Variants in RBM12B observed in about 807,000 individuals in gnomAD.
The protein encoded by RBM12B is RNA-binding protein 12B.
Under a neutral mutation model 34.3 loss-of-function variants are expected in RBM12B, and 10 were observed. The observed-to-expected ratio is 0.29, with a 90% CI of 0.18 to 0.49. The LOEUF is 0.49. Among genes scored for constraint, RBM12B ranks in the 20% least tolerant of loss-of-function variants. RBM12B has a pLI of 0.99. For synonymous variants in RBM12B, 477 were observed against 437.1 expected (o/e 1.09, Z -1.14); for missense variants, 1,139 against 1,262.7 (o/e 0.90, Z 1.48).
Position 93,737,372 on chromosome 8 carries a change from A to C in RBM12B, c.-77-17T>G, listed in dbSNP as rs1203627227. On this transcript the variant is annotated splice_polypyrimidine_tract_variant and intron_variant, in intron 2 of 3. Transcript: ENST00000520560. ...GCAACTTAACTGTGGAAAGAAAATG[A>C]AATATAATTAATCCTTGAACCCTGT... 1 of 152,226 alleles carries C rather than the reference A, an allele frequency of 6.6e-6. No homozygotes were observed. The highest frequency in any genetic ancestry group is 1.5e-5 in the Non-Finnish European group (1 of 68,044). 9.4% of individuals were successfully genotyped at this position (152,226 alleles called of 1,614,324 possible).
At position 93,732,254 on chromosome 8, in the gene RBM12B, A is replaced by G. The variant is rs1395736634; in HGVS notation, c.*1151T>C. ...GAGATTATGCATGTAAAGTGCTTAC[A>G]GTGCCTAGCACATAGTAAGTGCCTA... On this transcript the variant is annotated 3_prime_UTR_variant, in exon 4 of 4. Transcript: ENST00000520560. 2 of 152,244 alleles carry G rather than the reference A, an allele frequency of 1.3e-5. No homozygotes were observed. The highest frequency in any genetic ancestry group is 2.4e-5 in the African/African-American group (1 of 41,468). The allele number at this position is 152,244 out of a possible 1,614,324, so 9.4% of individuals were successfully genotyped here.
In RBM12B at chr8:93,736,431, A is replaced by G. The variant is rs1158507747; in HGVS notation, c.-21T>C. ...GCCATGCTGAGCTCAAACCACAGCA[A>G]TAATGACCTGCAGACAAAAAGGTAC... On this transcript the variant is annotated 5_prime_UTR_variant, in exon 4 of 4. Transcript: ENST00000520560. 6.5e-7 allele frequency: 1 copy of G among 1,529,874 alleles called. No homozygotes were observed. The highest frequency in any genetic ancestry group is 2.3e-5 in the East Asian group (1 of 44,334). The allele number at this position is 1,529,874 out of a possible 1,614,324, so 94.8% of individuals were successfully genotyped here.
In RBM12B at chr8:93,736,083, T is replaced by C; in HGVS notation, c.328A>G (p.Ile110Val). Residue 110 changes from isoleucine (I) to valine (V), a missense_variant, in exon 4 of 4, where the codon ATT (isoleucine) becomes GTT (valine). Physicochemically the swap from Ile to Val is conservative, Grantham distance 29 (BLOSUM62 3). This residue lies in a region of RBM12B where 216 missense variants were observed against 292.2 expected (regional missense o/e 0.74). Transcript: ENST00000520560. ...TSGVDSLSNFIESVKEEASNS... is the reference protein window; with the variant it reads ...TSGVDSLSNFVESVKEEASNS... ...CTTGCTTCTTCCTTAACAGACTCAA[T>C]AAAATTAGACAGGCTGTCAACCCCT... 2 of 1,614,202 alleles carry C rather than the reference T, an allele frequency of 1.2e-6. No individual in the cohort carries two copies.
rs1811742150 is a variant in RBM12B at position 93,730,393 on chromosome 8, T to C, written c.*3012A>G. 1 of 152,080 alleles carries C rather than the reference T, an allele frequency of 6.6e-6. No homozygotes were observed. The highest frequency in any genetic ancestry group is 2.4e-5 in the African/African-American group (1 of 41,406). 9.4% of individuals were successfully genotyped at this position (152,080 alleles called of 1,614,324 possible). On this transcript the variant is annotated 3_prime_UTR_variant, in exon 4 of 4. Transcript: ENST00000520560. ...ATTGACTTTCTAGACATGATCTACA[T>C]TTTTTTAGATAATTTCTAGACAAAA...
At position 93,732,406 on chromosome 8, in the gene RBM12B, A is replaced by C. The variant is rs934203622; in HGVS notation, c.*999T>G. On this transcript the variant is annotated 3_prime_UTR_variant, in exon 4 of 4. Transcript: ENST00000520560. ...ACCACACAAGTCTTAACAGTTATAG[A>C]GTCTTTGCATGGACACAGTTTCGAA... 6 of 152,234 alleles carry C rather than the reference A, an allele frequency of 3.9e-5. No homozygotes were observed. Among genetic ancestry groups the C allele is most frequent in the African/African-American group, 1.4e-4 (6 of 41,458 alleles). The allele number at this position is 152,234 out of a possible 1,614,324, so 9.4% of individuals were successfully genotyped here.
rs756978342 is a variant in RBM12B at position 93,735,227 on chromosome 8, T to A, written c.1184A>T (p.Asn395Ile). Residue 395 changes from asparagine to isoleucine, a missense_variant, in exon 4 of 4, where the codon AAC becomes ATC. Physicochemically the swap from Asn to Ile is moderately radical, Grantham distance 149. Coordinates refer to ENST00000520560, the MANE Select transcript of RBM12B (RefSeq NM_001377960.1). Reference protein sequence around the residue: ...HVSQKYSQEGNSGQKLCIYIR... With the variant: ...HVSQKYSQEGISGQKLCIYIR... Reference sequence around the variant, plus strand: ...ATAGATGCACAGTTTCTGGCCAGAGTTACCTTCTTGAGAGTATTTTTGTGA... The same window carrying A: ...ATAGATGCACAGTTTCTGGCCAGAGATACCTTCTTGAGAGTATTTTTGTGA... 1 of 1,614,028 alleles carries A rather than the reference T, an allele frequency of 6.2e-7. No individual in the cohort carries two copies. The highest frequency in any genetic ancestry group is 2.2e-5 in the East Asian group (1 of 44,880).
Position 93,735,533 on chromosome 8 carries a change from A to C in RBM12B, c.878T>G (p.Leu293Arg). ...GFYVHLKNLS[L>R]SIDERDLRNF... ...TCTTAAATCTCTTTCGTCAATACTG[A>C]GGGACAGATTTTTTAAGTGAACATA... The change falls in exon 4 of 4, where the codon CTC (leucine) becomes CGC (arginine). Residue 293 changes from leucine (L) to arginine (R), a missense_variant. Coordinates refer to ENST00000520560, the MANE Select transcript of RBM12B (RefSeq NM_001377960.1). 6.2e-7 allele frequency: 1 copy of C among 1,614,114 alleles called. No individual in the cohort carries two copies. Among genetic ancestry groups the C allele is most frequent in the Non-Finnish European group, 8.5e-7 (1 of 1,179,992 alleles).
Position 93,736,031 on chromosome 8 carries a change from T to G in RBM12B, c.380A>C (p.Asn127Thr). 1 of 1,614,220 alleles carries G rather than the reference T, an allele frequency of 6.2e-7. No individual in the cohort carries two copies. Among genetic ancestry groups the G allele is most frequent in the Non-Finnish European group, 8.5e-7 (1 of 1,180,036 alleles). The change falls in exon 4 of 4, where the codon AAT becomes ACT. Residue 127 changes from asparagine (N) to threonine (T), a missense_variant. Physicochemically the swap from Asn to Thr is moderately conservative, Grantham distance 65. Coordinates refer to ENST00000520560, the MANE Select transcript of RBM12B (RefSeq NM_001377960.1). ...ASNSGYGSSINQDAGFHTNGT... is the reference protein window; with the variant it reads ...ASNSGYGSSITQDAGFHTNGT... ...ATTAGTATGAAACCCAGCATCTTGA[T>G]TAATTGAAGAGCCATATCCAGAATT... is the stretch of plus-strand genomic sequence containing the variant.
rs777314221 is a variant in RBM12B, at chr8:93,733,623, T to A, written c.2788A>T (p.Met930Leu). ...ACATTAGCTTTAAATGGAAGATTCA[T>A]TATCTTAATAGGAGTTACTCTACCT... ...GSGRVTPIKI[M>L]NLPFKANVNE... Residue 930 changes from methionine (M) to leucine (L), a missense_variant, in exon 4 of 4, where the codon ATG becomes TTG. Physicochemically the swap from Met to Leu is conservative, Grantham distance 15 (BLOSUM62 2). Around this residue, in one of 3 missense-constraint regions of RBM12B, gnomAD observed 60 missense variants for 101.0 expected, o/e 0.59. Transcript: ENST00000520560. The A allele has an allele frequency of 6.2e-7, 1 of 1,614,010 alleles. No individual in the cohort carries two copies. Among genetic ancestry groups the A allele is most frequent in the South Asian group, 1.1e-5 (1 of 91,080 alleles).
chr8:93,737,947 T>G (rs1812071487), intron 2 of RBM12B, among the ~76,000 whole-genome samples: 1 of 152,048 alleles, frequency 6.6e-6, no homozygotes, highest in African/African-American at 2.4e-5. Context: ...AGGCAACCAT[T>G]CAAAATTACA....
In RBM12B at chr8:93,736,318, T is replaced by C. The variant is rs748584683; in HGVS notation, c.93A>G (p.Gly31=). The part of the protein sequence containing the change: ...HFFTGLTIPD[G]GVHIIGGEIG... ...TTTCCCCTCCAATTATATGCACTCC[T>C]CCATCAGGAATAGTCAATCCCGTGA... Residue 31 remains glycine (G), a synonymous_variant, in exon 4 of 4, where the codon GGA becomes GGG. Coordinates refer to ENST00000520560, the MANE Select transcript of RBM12B (RefSeq NM_001377960.1). 2.5e-6 allele frequency: 4 copies of C among 1,613,890 alleles called. No homozygotes were observed. In the Admixed American group the frequency reaches 5.0e-5, roughly 20 times the overall value.
rs902511014 is a variant in RBM12B at position 93,731,846 on chromosome 8, A to T, written c.*1559T>A. On this transcript the variant is annotated 3_prime_UTR_variant, in exon 4 of 4. Transcript: ENST00000520560. ...TAAGCCAGTAATATACCATATGAGT[A>T]TCCCAAGAGAAACCCTGGATAGAAA... The T allele has an allele frequency of 6.6e-6, 1 of 152,646 alleles. No homozygotes were observed. The highest frequency in any genetic ancestry group is 1.5e-5 in the Non-Finnish European group (1 of 68,042). 9.5% of individuals were successfully genotyped at this position (152,646 alleles called of 1,614,324 possible). A position where few individuals can be genotyped will look rare whatever the true frequency, so the allele number is the denominator to read the frequency against.
chr8:93,735,429 A>G lies in RBM12B; in HGVS notation c.982T>C (p.Phe328Leu). ...YKDENRTRYA[F>L]VMFKTLKDYN... ...TCTTTCAGAGTCTTGAACATCACAA[A>G]GGCATATCTTGTTCTATTTTCATCT... The change falls in exon 4 of 4, where the codon TTT (phenylalanine) becomes CTT (leucine). Residue 328 changes from phenylalanine to leucine, a missense_variant. By Grantham distance (22) the Phe-to-Leu change is conservative (BLOSUM62 0). Around this residue, in one of 3 missense-constraint regions of RBM12B, gnomAD observed 863 missense variants for 869.5 expected, o/e 0.99. Transcript: ENST00000520560. 1 of 1,613,514 alleles carries G rather than the reference A, an allele frequency of 6.2e-7. No individual in the cohort carries two copies. Among genetic ancestry groups the G allele is most frequent in the Non-Finnish European group, 8.5e-7 (1 of 1,179,748 alleles).
rs921582792 is a variant in RBM12B, at chr8:93,734,696, A to C, written c.1715T>G (p.Phe572Cys). Residue 572 changes from phenylalanine to cysteine, a missense_variant, in exon 4 of 4, where the codon TTC becomes TGC. Phe to Cys is a radical substitution (Grantham distance 205, BLOSUM62 -2). Coordinates refer to ENST00000520560, the MANE Select transcript of RBM12B (RefSeq NM_001377960.1). ...SEDFRFPPED[F>C]RHSPEDFRRP... Reference sequence around the variant, plus strand: ...CCTGAAGTCCTCTGGGGAGTGCCTGAAGTCCTCCGGGGGGAACCTAAAGTC... The same window carrying C: ...CCTGAAGTCCTCTGGGGAGTGCCTGCAGTCCTCCGGGGGGAACCTAAAGTC... The C allele has an allele frequency of 6.2e-7, 1 of 1,614,042 alleles. No individual in the cohort carries two copies. Among genetic ancestry groups the C allele is most frequent in the Non-Finnish European group, 8.5e-7 (1 of 1,179,982 alleles).
At position 93,734,382 on chromosome 8, in the gene RBM12B, G is replaced by C. The variant is rs775955349; in HGVS notation, c.2029C>G (p.Arg677Gly). 1 of 1,612,096 alleles carries C rather than the reference G, an allele frequency of 6.2e-7. No individual in the cohort carries two copies. The highest frequency in any genetic ancestry group is 1.3e-5 in the African/African-American group (1 of 74,352). ...FRRPPEEDWR[R>G]PPEEDFRRPL... ...CGCCTAAAGTCCTCCTCTGGGGGCC[G>C]TCTCCAGTCCTCCTCAGGTGGCCGC... Residue 677 changes from arginine to glycine, a missense_variant, in exon 4 of 4, where the codon CGG becomes GGG. Arg to Gly is a moderately radical substitution (Grantham distance 125). Coordinates refer to ENST00000520560, the MANE Select transcript of RBM12B (RefSeq NM_001377960.1).
Position 93,734,036 on chromosome 8 carries a change from T to G in RBM12B, c.2375A>C (p.Gln792Pro), listed in dbSNP as rs932536801. The G allele has an allele frequency of 6.3e-6, 10 of 1,596,662 alleles. No individual in the cohort carries two copies. In the Admixed American group the frequency reaches 1.8e-4, roughly 29 times the overall value. ...PPQEHFRRPP[Q>P]EHFRRSREED... ...CTCTCGGGAGCGCCTGAAATGCTCC[T>G]GAGGCGGCCGCCTGAAATGCTCCTG... Residue 792 changes from glutamine to proline, a missense_variant, in exon 4 of 4, where the codon CAG (glutamine) becomes CCG (proline). Coordinates refer to ENST00000520560, the MANE Select transcript of RBM12B (RefSeq NM_001377960.1).
rs756681421 is a variant in RBM12B, at chr8:93,735,864, C to T, written c.547G>A (p.Val183Ile). 3 of 1,614,028 alleles carry T rather than the reference C, an allele frequency of 1.9e-6. No individual in the cohort carries two copies. Among genetic ancestry groups the T allele is most frequent in the Admixed American group, 1.7e-5 (1 of 60,024 alleles). ...CCATCATGATGTTTTAAGAAAATTA[C>T]TCCATCCACGCACAAACCAGAGAAA... ...VFFSGLCVDGVIFLKHHDGRN... is the reference protein window; with the variant it reads ...VFFSGLCVDGIIFLKHHDGRN... The change falls in exon 4 of 4, where the codon GTA becomes ATA. Residue 183 changes from valine to isoleucine, a missense_variant. Physicochemically the swap from Val to Ile is conservative, Grantham distance 29 (BLOSUM62 3). Coordinates refer to ENST00000520560, the MANE Select transcript of RBM12B (RefSeq NM_001377960.1).
rs770223958 is a variant in RBM12B at position 93,735,016 on chromosome 8, G to A, written c.1395C>T (p.Phe465=). ...MKAERLNRRR[F]LGTEVLLRLI... is the part of the protein sequence containing the mutation. ...GTCTTAATAACACCTCTGTCCCTAG[G>A]AATCTTCGTCGGTTTAAACGTTCAG... The change falls in exon 4 of 4, where the codon TTC becomes TTT. Residue 465 remains phenylalanine, a synonymous_variant. Coordinates refer to ENST00000520560, the MANE Select transcript of RBM12B (RefSeq NM_001377960.1). The A allele has an allele frequency of 6.2e-7, 1 of 1,613,930 alleles. No individual in the cohort carries two copies. The highest frequency in any genetic ancestry group is 2.2e-5 in the East Asian group (1 of 44,896).
rs1204710368 is a variant in RBM12B, at chr8:93,730,803, A to C, written c.*2602T>G. On this transcript the variant is annotated 3_prime_UTR_variant, in exon 4 of 4. Coordinates refer to ENST00000520560, the MANE Select transcript of RBM12B (RefSeq NM_001377960.1). ...AATCAACTTTTTATAATGAAGTTTA[A>C]AAATATTAAGCCCTGATACATTATA... 2 of 152,208 alleles carry C rather than the reference A, an allele frequency of 1.3e-5. No individual in the cohort carries two copies. The highest frequency in any genetic ancestry group is 2.9e-5 in the Non-Finnish European group (2 of 68,024). The allele number at this position is 152,208 out of a possible 1,614,324, so 9.4% of individuals were successfully genotyped here.
Sources: allele counts gnomAD v4.1 joint callset (sites outside exome capture counted in the v4.1 genomes callset), GRCh38; gene constraint gnomAD v4.1.1; regional missense constraint gnomAD v4.1.1; transcripts MANE v1.5; gene names NCBI Gene and HGNC (gene_info 2026-07-23, HGNC 2026-07-21).